Variants in PSD3 observed in about 807,000 individuals in gnomAD.
PSD3 encodes pleckstrin and Sec7 domain containing 3, also known as PH and SEC7 domain-containing protein 3.
In PSD3, 49 loss-of-function variants were observed where a neutral mutation model predicts 105.5. The observed-to-expected ratio is 0.46, with a 90% CI of 0.37 to 0.59. The LOEUF (loss-of-function observed/expected upper bound fraction) is 0.59. Among genes scored for constraint, PSD3 ranks in the 20% least tolerant of loss-of-function variants. The pLI is 0.00. For synonymous variants in PSD3, 557 were observed against 457.8 expected (o/e 1.22, Z -2.77); for missense variants, 1,561 against 1,263.8 (o/e 1.24, Z -3.57).
At chr8:18,814,654 T>G (rs538467384) in intron 4 of PSD3, among the ~76,000 whole-genome samples, 7 of 152,316 alleles carry the variant, frequency 4.6e-5, no homozygotes, top group East Asian at 1.9e-4. Flanking sequence ...GCTTTAGAAA[T>G]AGAAATACAT....
At chr8:18,602,260 A>G (rs1177636035) in intron 11 of PSD3, among the ~76,000 whole-genome samples, 1 of 152,126 alleles carries the variant, frequency 6.6e-6, no homozygotes, top group Non-Finnish European at 1.5e-5. Context: ...CATGTTTACA[A>G]AATTTTAAAC....
chr8:18,895,370 C>A (rs1170260647), intron 2 of PSD3, among the ~76,000 whole-genome samples: 1 of 152,186 alleles, frequency 6.6e-6, no homozygotes, highest in African/African-American at 2.4e-5. Flanking sequence ...ACTTTACTGC[C>A]AAACTTCAGA....
chr8:18,949,246 T>TATATATATATATATATATATATATACAC (rs1823079488), intron 1 of PSD3, among the ~76,000 whole-genome samples: 1 of 35,176 alleles, frequency 2.8e-5, no homozygotes, highest in African/African-American at 1.3e-4. Context: ...AAAAAAAAAA[T>TATATATATATATATATATATATATACAC]ATATATATAT....
At chr8:19,046,047 T>C (rs898747617) in intron 1 of PSD3, among the ~76,000 whole-genome samples, 4 of 152,158 alleles carry the variant, frequency 2.6e-5, no homozygotes, top group Admixed American at 6.5e-5. Context: ...CAAACTCTTA[T>C]AGGGATTACA....
chr8:18,981,085 T>TTA (rs1825228449), intron 1 of PSD3, among the ~76,000 whole-genome samples: 1 of 152,010 alleles, frequency 6.6e-6, no homozygotes, highest in African/African-American at 2.4e-5. Context: ...CTTTGTTATG[T>TTA]CTGTCTTCCC....
intron 15 of PSD3, 101 bp from the exon 16 acceptor site, chr8:18,536,059 T>C: frequency 5.2e-6 from 6 of 1,160,142 alleles, no homozygotes; most frequent in Non-Finnish European, 7.4e-6. Flanking sequence ...TGAATGGCTG[T>C]TGAAGACTTC....
intron 2 of PSD3, among the ~76,000 whole-genome samples, chr8:18,915,971 C>T (rs1010308932): frequency 5.9e-5 from 9 of 151,954 alleles, no homozygotes; most frequent in South Asian, 2.1e-4. Context: ...TGGCACATGC[C>T]TGTAATCCCA....
intron 10 of PSD3, among the ~76,000 whole-genome samples, chr8:18,635,990 G>A (rs1460719114): frequency 6.6e-6 from 1 of 152,102 alleles, no homozygotes; most frequent in African/African-American, 2.4e-5. Flanking sequence ...GCAAACCACT[G>A]TGGCACATGT....
At chr8:19,074,582 C>CACATATATATATAT (rs1829384545) in intron 1 of PSD3, among the ~76,000 whole-genome samples, 1 of 34,142 alleles carries the variant, frequency 2.9e-5, no homozygotes, top group Non-Finnish European at 8.1e-5. Context: ...TTTTACAACT[C>CACATATATATATAT]AGATATATAC....
chr8:19,007,664 G>C (rs1212963734), intron 1 of PSD3, among the ~76,000 whole-genome samples: 1 of 152,074 alleles, frequency 6.6e-6, no homozygotes, highest in East Asian at 1.9e-4. Context: ...GCCTAGGTCA[G>C]TGGACAAGGT....
At chr8:18,627,542 A>G (rs935946495) in intron 11 of PSD3, among the ~76,000 whole-genome samples, 41 of 152,080 alleles carry the variant, frequency 2.7e-4, no homozygotes, top group African/African-American at 9.2e-4. Flanking sequence ...AATACATGCC[A>G]TATTGGAAAG....
intron 4 of PSD3, among the ~76,000 whole-genome samples, chr8:18,815,601 G>C (rs1563304768): frequency 1.3e-5 from 2 of 152,154 alleles, no homozygotes; most frequent in African/African-American, 2.4e-5. Flanking sequence ...GGGAGCCACT[G>C]CGTCCAGCCC....
intron 4 of PSD3, among the ~76,000 whole-genome samples, chr8:18,841,970 C>A (rs1169135539): frequency 6.6e-6 from 1 of 152,142 alleles, no homozygotes; most frequent in Non-Finnish European, 1.5e-5. Flanking sequence ...GGAAGAGCTG[C>A]CAGAAACCCT....
intron 10 of PSD3, among the ~76,000 whole-genome samples, chr8:18,633,612 T>C (rs187021144): frequency 1.4e-4 from 21 of 152,256 alleles, no homozygotes; most frequent in Non-Finnish European, 2.9e-4. Context: ...TATGGTTGCA[T>C]AGTATTCCAC....
At chr8:18,855,410 T>C (rs59239262) in intron 4 of PSD3, among the ~76,000 whole-genome samples, 31,241 of 152,080 alleles carry the variant, frequency 0.21, 3,324 homozygotes, top group African/African-American at 0.26. Context: ...ACAGTCAAAA[T>C]GCCCATAAAT....
chr8:18,641,755 T>G (rs933134113), intron 10 of PSD3, among the ~76,000 whole-genome samples: 2 of 152,174 alleles, frequency 1.3e-5, no homozygotes, highest in African/African-American at 4.8e-5. Flanking sequence ...GTGGCTCACA[T>G]CTCAATACTG....
At chr8:18,873,746 T>A (rs1817544496) in intron 2 of PSD3, among the ~76,000 whole-genome samples, 1 of 152,148 alleles carries the variant, frequency 6.6e-6, no homozygotes, top group African/African-American at 2.4e-5. Flanking sequence ...CACCCACCAG[T>A]CCCTGGTAAC....
intron 11 of PSD3, among the ~76,000 whole-genome samples, chr8:18,606,829 G>A (rs986837153): frequency 3.3e-5 from 5 of 152,212 alleles, no homozygotes; most frequent in African/African-American, 4.8e-5. Flanking sequence ...AGCACTCTGA[G>A]TGTTGGGCTA....
chr8:18,839,406 A>G (rs1814422708), intron 4 of PSD3, among the ~76,000 whole-genome samples: 2 of 152,162 alleles, frequency 1.3e-5, no homozygotes, highest in African/African-American at 4.8e-5. Context: ...CTTGTAAAAG[A>G]TCTATTGTCC....
Sources: allele counts gnomAD v4.1 joint callset (sites outside exome capture counted in the v4.1 genomes callset), GRCh38; gene constraint gnomAD v4.1.1; transcripts MANE v1.5; gene names NCBI Gene and HGNC (gene_info 2026-07-23, HGNC 2026-07-21).